Variants in GBE1 observed in about 807,000 individuals in gnomAD.
GBE1 encodes the protein 1,4-alpha-glucan-branching enzyme.
A neutral mutation model predicts 88.8 loss-of-function variants in GBE1; 70 were observed. The ratio of observed to expected loss-of-function variants is 0.79; its 90% CI spans 0.65 to 0.96. GBE1 has a LOEUF of 0.96. Among genes scored for constraint, GBE1 ranks in the 40% least tolerant of loss-of-function variants. The pLI is 0.00. For synonymous variants in GBE1, 284 were observed against 300.1 expected (o/e 0.95, Z 0.56); for missense variants, 872 against 871.0 (o/e 1.00, Z -0.01).
chr3:81,750,635 A>ATATATATATGTATATATATATATG (rs1706507105), intron 1 of GBE1, among the ~76,000 whole-genome samples: 1 of 59,368 alleles, frequency 1.7e-5, no homozygotes, highest in Non-Finnish European at 2.7e-5. Flanking sequence ...ATATACGTAT[A>ATATATATATGTATATATATATATG]TATATATATG....
At chr3:81,719,782 AG>A (rs1277632983) in intron 1 of GBE1, among the ~76,000 whole-genome samples, 1 of 152,208 alleles carries the variant, frequency 6.6e-6, no homozygotes, top group Non-Finnish European at 1.5e-5. Flanking sequence ...TTATATCAAT[AG>A]TAAAGTAAAA....
intron 3 of GBE1, among the ~76,000 whole-genome samples, chr3:81,653,661 G>C (rs557969938): frequency 2.9e-4 from 44 of 152,094 alleles, no homozygotes; most frequent in Non-Finnish European, 5.7e-4. Flanking sequence ...ATGTATAGTT[G>C]TTAAAAAATA....
chr3:81,747,603 C>T (rs901377526), intron 1 of GBE1, among the ~76,000 whole-genome samples: 2 of 152,194 alleles, frequency 1.3e-5, no homozygotes. Context: ...GTGACTTGCA[C>T]GTATACGCCC....
At position 81,593,934 on chromosome 3, in the gene GBE1, G is replaced by T; in HGVS notation, c.1082C>A (p.Ser361Tyr). Residue 361 changes from serine to tyrosine, a missense_variant, in exon 8 of 16, where the codon TCC becomes TAC. Ser to Tyr is a moderately radical substitution (Grantham distance 144). Coordinates refer to ENST00000429644, the MANE Select transcript of GBE1 (RefSeq NM_000158.4). ...CACTCCATGGTGATGATAAAGCATG[G>T]ACGTAACACCATCAAAACGAAATCC... Reference protein sequence around the residue: ...FDGFRFDGVTSMLYHHHGVGQ... With the variant: ...FDGFRFDGVTYMLYHHHGVGQ... 1 of 1,574,400 alleles carries T rather than the reference G, an allele frequency of 6.4e-7. No homozygotes were observed. The highest frequency in any genetic ancestry group is 8.6e-7 in the Non-Finnish European group (1 of 1,156,552).
intron 3 of GBE1, among the ~76,000 whole-genome samples, chr3:81,654,133 T>C (rs1704895625): frequency 6.6e-6 from 1 of 152,194 alleles, no homozygotes; most frequent in South Asian, 2.1e-4. Context: ...CCAAATTATT[T>C]ATTTGACTTA....
At chr3:81,566,260 A>G (rs573484541) in intron 12 of GBE1, among the ~76,000 whole-genome samples, 1 of 152,170 alleles carries the variant, frequency 6.6e-6, no homozygotes, top group East Asian at 1.9e-4. Flanking sequence ...TCATTTTAAG[A>G]TTCTTTTTCA....
chr3:81,743,680 T>C, intron 1 of GBE1: 1 of 1,153,224 alleles, frequency 8.7e-7, no homozygotes, highest in Non-Finnish European at 1.2e-6. Context: ...AGTCACCTGA[T>C]CTCAGTCATT....
chr3:81,753,215 G>A (rs997283549), intron 1 of GBE1, among the ~76,000 whole-genome samples: 2 of 152,046 alleles, frequency 1.3e-5, no homozygotes, highest in Admixed American at 6.6e-5. Context: ...TCAAGGTACC[G>A]GGTTCCTGTT....
intron 1 of GBE1, among the ~76,000 whole-genome samples, chr3:81,743,895 T>G (rs549995190): frequency 6.6e-6 from 1 of 152,284 alleles, no homozygotes; most frequent in South Asian, 2.1e-4. Context: ...CTGTTAAGTA[T>G]GTGGCATATC....
At chr3:81,507,600 C>T (rs894936937) in intron 14 of GBE1, among the ~76,000 whole-genome samples, 1 of 151,256 alleles carries the variant, frequency 6.6e-6, no homozygotes, top group African/African-American at 2.4e-5. Flanking sequence ...AACTTACTAG[C>T]GAATGTAATC....
At chr3:81,506,394 C>T (rs750832690) in intron 14 of GBE1, among the ~76,000 whole-genome samples, 14 of 152,144 alleles carry the variant, frequency 9.2e-5, no homozygotes, top group Non-Finnish European at 1.6e-4. Context: ...ATTAAAAAGT[C>T]AAAAAATAAC....
chr3:81,533,037 C>T (rs145358769), intron 14 of GBE1, among the ~76,000 whole-genome samples: 3 of 152,068 alleles, frequency 2.0e-5, no homozygotes, highest in South Asian at 2.1e-4. Flanking sequence ...TTAAGACTTA[C>T]GTCGCAGTTT....
At position 81,754,671 on chromosome 3, in the gene GBE1, A is replaced by G. The variant is rs1706577925; in HGVS notation, c.143+6704T>C. Among the ~76,000 whole-genome samples the G allele has an allele frequency of 2.0e-5, 3 of 152,294 alleles. No homozygotes were observed. In the South Asian group the frequency reaches 6.2e-4, roughly 32 times the overall value. On this transcript the variant is annotated intron_variant, in intron 1 of 15. Transcript: ENST00000429644. ...GAATGGAGAACTCAGATCTAAATAC[A>G]CACATTTGCCACCAACTCATCTTCA...
intron 7 of GBE1, among the ~76,000 whole-genome samples, chr3:81,601,711 A>G (rs112861862): frequency 4.6e-5 from 7 of 152,284 alleles, no homozygotes; most frequent in African/African-American, 1.4e-4. Flanking sequence ...GTAATATATC[A>G]ATGTGTTCTA....
chr3:81,746,174 T>C (rs1441567624), intron 1 of GBE1, among the ~76,000 whole-genome samples: 1 of 152,174 alleles, frequency 6.6e-6, no homozygotes, highest in Non-Finnish European at 1.5e-5. Flanking sequence ...TGTACTTCAA[T>C]GTATATAAAT....
intron 8 of GBE1, among the ~76,000 whole-genome samples, chr3:81,592,884 T>G (rs961601294): frequency 6.6e-6 from 1 of 152,192 alleles, no homozygotes; most frequent in African/African-American, 2.4e-5. Flanking sequence ...TTTTACAGAT[T>G]CAACTTCTTT....
intron 3 of GBE1, among the ~76,000 whole-genome samples, chr3:81,664,526 C>T (rs1705083571): frequency 6.6e-6 from 1 of 151,052 alleles, no homozygotes; most frequent in Non-Finnish European, 1.5e-5. Flanking sequence ...GCCTAAAACG[C>T]CCCAACATTT....
intron 2 of GBE1, among the ~76,000 whole-genome samples, chr3:81,678,185 A>G (rs2107125636): frequency 6.6e-6 from 1 of 152,336 alleles, no homozygotes; most frequent in Non-Finnish European, 1.5e-5. Context: ...ACAAACCTGT[A>G]TGACATGTTA....
intron 2 of GBE1, among the ~76,000 whole-genome samples, chr3:81,693,695 A>G (rs1036833341): frequency 1.3e-5 from 2 of 152,184 alleles, no homozygotes; most frequent in Non-Finnish European, 2.9e-5. Context: ...TGGATCTTTC[A>G]TATAGTCTTC....
Sources: allele counts gnomAD v4.1 joint callset (sites outside exome capture counted in the v4.1 genomes callset), GRCh38; gene constraint gnomAD v4.1.1; transcripts MANE v1.5; gene names NCBI Gene and HGNC (gene_info 2026-07-23, HGNC 2026-07-21).